SYNDIG1: variants seen among roughly 807,000 people sequenced by gnomAD.
The protein encoded by SYNDIG1 is synapse differentiation inducing 1.
Under a neutral mutation model 19.4 loss-of-function variants are expected in SYNDIG1, and 9 were observed. The observed-to-expected ratio is 0.46, with a 90% CI of 0.28 to 0.81. SYNDIG1 has a LOEUF of 0.81. Ranked by LOEUF, SYNDIG1 falls within the 30% of genes least tolerant of loss-of-function variation. SYNDIG1 has a pLI of 0.12. For synonymous variants in SYNDIG1, 141 were observed against 145.9 expected (o/e 0.97, Z 0.24); for missense variants, 311 against 343.3 (o/e 0.91, Z 0.74).
intron 3 of SYNDIG1, among the ~76,000 whole-genome samples, chr20:24,632,348 T>C (rs534201831): frequency 6.6e-6 from 1 of 152,354 alleles, no homozygotes; most frequent in Non-Finnish European, 1.5e-5. Context: ...CAAGTGATTC[T>C]TGTGCCTCAG....
At chr20:24,537,493 T>A (rs2057384930) in intron 1 of SYNDIG1, among the ~76,000 whole-genome samples, 1 of 152,166 alleles carries the variant, frequency 6.6e-6, no homozygotes, top group Non-Finnish European at 1.5e-5. Context: ...CCCTCAGTGG[T>A]CAGTCCACAG....
intron 2 of SYNDIG1, among the ~76,000 whole-genome samples, chr20:24,570,594 C>G (rs997108367): frequency 6.6e-6 from 1 of 152,228 alleles, no homozygotes; most frequent in East Asian, 1.9e-4. Context: ...AGACTAAAAC[C>G]ATGATTATAT....
At chr20:24,524,142 C>T (rs1341576979) in intron 1 of SYNDIG1, among the ~76,000 whole-genome samples, 1 of 152,128 alleles carries the variant, frequency 6.6e-6, no homozygotes, top group African/African-American at 2.4e-5. Flanking sequence ...AGAGTACATA[C>T]TTTAAAGGTT....
At chr20:24,475,515 A>G (rs2055593548) in intron 1 of SYNDIG1, among the ~76,000 whole-genome samples, 1 of 152,156 alleles carries the variant, frequency 6.6e-6, no homozygotes, top group Non-Finnish European at 1.5e-5. Flanking sequence ...CAGTTGAAAG[A>G]GTTGAAATGT....
intron 3 of SYNDIG1, among the ~76,000 whole-genome samples, chr20:24,604,053 C>CTTTCT (rs1184789151): frequency 2.0e-5 from 3 of 152,198 alleles, no homozygotes; most frequent in Admixed American, 2.0e-4. Flanking sequence ...CCAAAACAAA[C>CTTTCT]AACATTTTCA....
chr20:24,610,931 G>T (rs1443464240), intron 3 of SYNDIG1, among the ~76,000 whole-genome samples: 1 of 152,174 alleles, frequency 6.6e-6, no homozygotes. Flanking sequence ...GCAATGACAG[G>T]AAATGAGTTG....
At chr20:24,522,214 C>T (rs1356390395) in intron 1 of SYNDIG1, among the ~76,000 whole-genome samples, 1 of 152,120 alleles carries the variant, frequency 6.6e-6, no homozygotes, top group Admixed American at 6.6e-5. Context: ...CTGCCTTAGT[C>T]TCCCACCTGT....
At chr20:24,640,437 G>T (rs1011430097) in intron 3 of SYNDIG1, among the ~76,000 whole-genome samples, 1 of 148,546 alleles carries the variant, frequency 6.7e-6, no homozygotes, top group Non-Finnish European at 1.5e-5. Context: ...AAGAAGGAAG[G>T]AGGGAAGGAA....
chr20:24,661,503 AGAGGGAGGAAG>A (rs2059598315), intron 3 of SYNDIG1, among the ~76,000 whole-genome samples: 1 of 5,174 alleles, frequency 1.9e-4, no homozygotes, highest in Non-Finnish European at 3.6e-4. Flanking sequence ...GAGGGAGGGA[AGAGGGAGGAAG>A]GAGGGAGGGA....
intron 2 of SYNDIG1, among the ~76,000 whole-genome samples, chr20:24,584,250 C>A (rs974858240): frequency 2.6e-5 from 4 of 152,190 alleles, no homozygotes; most frequent in African/African-American, 7.2e-5. Context: ...TCAGGCCCCA[C>A]CTGTGTCTTG....
intron 3 of SYNDIG1, among the ~76,000 whole-genome samples, chr20:24,662,883 C>T (rs971827851): frequency 1.3e-5 from 2 of 152,224 alleles, no homozygotes; most frequent in African/African-American, 2.4e-5. Flanking sequence ...AGCTCAGAGA[C>T]TCTTGGACTC....
chr20:24,490,042 G>A (rs1200489205), intron 1 of SYNDIG1, among the ~76,000 whole-genome samples: 2 of 152,202 alleles, frequency 1.3e-5, no homozygotes, highest in African/African-American at 2.4e-5. Context: ...AGAGGCAGGG[G>A]AGTATGCAGC....
intron 3 of SYNDIG1, among the ~76,000 whole-genome samples, chr20:24,622,538 T>C (rs2059055153): frequency 6.6e-6 from 1 of 152,232 alleles, no homozygotes; most frequent in Non-Finnish European, 1.5e-5. Flanking sequence ...CTGGTGGCAT[T>C]AGATTCTCAT....
At chr20:24,552,902 T>C (rs1782724177) in intron 2 of SYNDIG1, among the ~76,000 whole-genome samples, 1 of 152,236 alleles carries the variant, frequency 6.6e-6, no homozygotes, top group Non-Finnish European at 1.5e-5. Flanking sequence ...TCCACAATGG[T>C]TGAACTAGTT....
chr20:24,512,026 C>T (rs2056753038), intron 1 of SYNDIG1, among the ~76,000 whole-genome samples: 1 of 149,258 alleles, frequency 6.7e-6, no homozygotes, highest in Non-Finnish European at 1.5e-5. Context: ...TAACAGCATC[C>T]AGTTCATATC....
At chr20:24,549,078 A>G (rs1005446332) in intron 2 of SYNDIG1, among the ~76,000 whole-genome samples, 2 of 152,102 alleles carry the variant, frequency 1.3e-5, no homozygotes, top group African/African-American at 2.4e-5. Flanking sequence ...GGAGCATTCA[A>G]TAACCTCCTC....
intron 2 of SYNDIG1, 108 bp from the exon 3 acceptor site, chr20:24,584,748 C>G: frequency 6.7e-7 from 1 of 1,503,150 alleles, no homozygotes; most frequent in Non-Finnish European, 9.1e-7. Context: ...AGCTGCCTCC[C>G]GGGGAGGGCC....
At chr20:24,616,262 C>T (rs543806621) in intron 3 of SYNDIG1, among the ~76,000 whole-genome samples, 5 of 152,250 alleles carry the variant, frequency 3.3e-5, no homozygotes, top group South Asian at 2.1e-4. Flanking sequence ...AACACTATTC[C>T]GAGACAGGGG....
At chr20:24,588,106 A>G (rs898368851) in intron 3 of SYNDIG1, among the ~76,000 whole-genome samples, 1 of 152,158 alleles carries the variant, frequency 6.6e-6, no homozygotes, top group African/African-American at 2.4e-5. Flanking sequence ...CAGCTCTCCC[A>G]TGCCTCTGTT....
Sources: allele counts gnomAD v4.1 joint callset (sites outside exome capture counted in the v4.1 genomes callset), GRCh38; gene constraint gnomAD v4.1.1; transcripts MANE v1.5; gene names NCBI Gene and HGNC (gene_info 2026-07-23, HGNC 2026-07-21).